The following OR52B6 variants were observed in gnomAD, a reference collection of about 807,000 sequenced individuals.
The protein encoded by OR52B6 is olfactory receptor 52B6.
For synonymous variants in OR52B6, 169 were observed against 160.0 expected (o/e 1.06, Z -0.42); for missense variants, 433 against 416.8 (o/e 1.04, Z -0.34).
Position 5,581,217 on chromosome 11 carries a change from T to C in OR52B6, c.341T>C (p.Phe114Ser). The C allele has an allele frequency of 6.2e-7, 1 of 1,613,904 alleles. No homozygotes were observed. The highest frequency in any genetic ancestry group is 8.5e-7 in the Non-Finnish European group (1 of 1,179,858). Residue 114 changes from phenylalanine to serine, a missense_variant, in exon 1 of 1, where the codon TTT (phenylalanine) becomes TCT (serine). By Grantham distance (155) the Phe-to-Ser change is radical (BLOSUM62 -2). Transcript: ENST00000345043. ...TGGCTAGGTTATAGCCTCATTTCCT[T>C]TGATGGCTGCCTCACTCAGATGTTC... is the stretch of plus-strand genomic sequence containing the variant. ...NLWLGYSLIS[F>S]DGCLTQMFFI...
rs1346480196 is a variant in OR52B6, at chr11:5,581,041, C to T, written c.165C>T (p.Tyr55=). 6.2e-7 allele frequency: 1 copy of T among 1,613,954 alleles called. No individual in the cohort carries two copies. Among genetic ancestry groups the T allele is most frequent in the Non-Finnish European group, 8.5e-7 (1 of 1,179,892 alleles). Residue 55 remains tyrosine, a synonymous_variant, in exon 1 of 1, where the codon TAC becomes TAT. Transcript: ENST00000345043. ...IWLSIPFCIM[Y]ITALEGNGIL... ...TGTCCATCCCCTTCTGCATCATGTA[C>T]ATCACTGCCCTGGAAGGCAATGGCA...
Position 5,581,686 on chromosome 11 carries a change from C to A in OR52B6, c.810C>A (p.Phe270Leu). The stretch of plus-strand genomic sequence containing the variant: ...CCCATATCTGTGTCATCCTACTCTT[C>A]TATGTCCCTGCGCTTTTTTCTGTCT... ...CGSHICVILLFYVPALFSVFA... is the reference protein window; with the variant it reads ...CGSHICVILLLYVPALFSVFA... Residue 270 changes from phenylalanine (F) to leucine (L), a missense_variant, in exon 1 of 1, where the codon TTC (phenylalanine) becomes TTA (leucine). Transcript: ENST00000345043. The A allele has an allele frequency of 1.2e-6, 2 of 1,614,046 alleles. No individual in the cohort carries two copies. Among genetic ancestry groups the A allele is most frequent in the South Asian group, 2.2e-5 (2 of 91,054 alleles).
chr11:5,581,371 T>G lies in OR52B6; in HGVS notation c.495T>G (p.Thr165=). 1.2e-6 allele frequency: 2 copies of G among 1,613,514 alleles called. No individual in the cohort carries two copies. Among genetic ancestry groups the G allele is most frequent in the Non-Finnish European group, 1.7e-6 (2 of 1,179,782 alleles). ...LTSKVIGKIV[T]AALSHSFIIM... ...GCAAGGTCATTGGGAAGATCGTCAC[T>G]GCCGCCCTGAGCCACAGCTTCATCA... Residue 165 remains threonine, a synonymous_variant, in exon 1 of 1, where the codon ACT becomes ACG. Transcript: ENST00000345043.
In OR52B6 at chr11:5,581,084, C is replaced by T. The variant is rs1469971951; in HGVS notation, c.208C>T (p.Leu70Phe). Residue 70 changes from leucine (L) to phenylalanine (F), a missense_variant, in exon 1 of 1, where the codon CTC becomes TTC. Transcript: ENST00000345043. ...EGNGILICVI[L>F]SQAILHEPMY... ...CAATGGCATCCTAATTTGTGTCATCCTCTCCCAGGCAATCCTGCATGAGCC... is the reference window on the plus strand; with the variant it reads ...CAATGGCATCCTAATTTGTGTCATCTTCTCCCAGGCAATCCTGCATGAGCC... 3 of 1,614,162 alleles carry T rather than the reference C, an allele frequency of 1.9e-6. No individual in the cohort carries two copies. The highest frequency in any genetic ancestry group is 2.2e-5 in the South Asian group (2 of 91,082).
Position 5,580,933 on chromosome 11 carries a change from A to C in OR52B6, c.57A>C (p.Ile19=). ...KIMALFSANS[I]GAMNNSDTRI... is the part of the protein sequence containing the mutation. Reference sequence around the variant, plus strand: ...TGGCCCTTTTTTCTGCTAACAGCATAGGTGCTATGAACAACTCTGACACTC... The same window carrying C: ...TGGCCCTTTTTTCTGCTAACAGCATCGGTGCTATGAACAACTCTGACACTC... Residue 19 remains isoleucine (I), a synonymous_variant, in exon 1 of 1, where the codon ATA becomes ATC. Coordinates refer to ENST00000345043, the MANE Select transcript of OR52B6 (RefSeq NM_001005162.2). 1 of 1,609,582 alleles carries C rather than the reference A, an allele frequency of 6.2e-7. No homozygotes were observed. The highest frequency in any genetic ancestry group is 1.7e-4 in the Middle Eastern group (1 of 6,034).
rs200471989 is a variant in OR52B6, at chr11:5,581,637, C to G, written c.761C>G (p.Ser254Cys). 2 of 1,614,184 alleles carry G rather than the reference C, an allele frequency of 1.2e-6. No homozygotes were observed. Among genetic ancestry groups the G allele is most frequent in the Non-Finnish European group, 1.7e-6 (2 of 1,180,044 alleles). Residue 254 changes from serine to cysteine, a missense_variant, in exon 1 of 1, where the codon TCC (serine) becomes TGC (cysteine). By Grantham distance (112) the Ser-to-Cys change is moderately radical. Transcript: ENST00000345043. Reference sequence around the variant, plus strand: ...CGCCTCCTTTCTCAAGATGCCCGCTCCAAGGCCCTGAGTACCTGTGGATCC... The same window carrying G: ...CGCCTCCTTTCTCAAGATGCCCGCTGCAAGGCCCTGAGTACCTGTGGATCC... ...VFRLLSQDAR[S>C]KALSTCGSHI...
chr11:5,581,612 C>T lies in OR52B6; in HGVS notation c.736C>T (p.Arg246Cys), dbSNP rs762756521. 9.9e-6 allele frequency: 16 copies of T among 1,613,998 alleles called. No homozygotes were observed. Among genetic ancestry groups the T allele is most frequent in the Admixed American group, 3.3e-5 (2 of 59,996 alleles). ...SYIHILQAVF[R>C]LLSQDARSKA... ...CATCCACATCCTCCAAGCAGTCTTC[C>T]GCCTCCTTTCTCAAGATGCCCGCTC... The change falls in exon 1 of 1, where the codon CGC (arginine) becomes TGC (cysteine). Residue 246 changes from arginine to cysteine, a missense_variant. Coordinates refer to ENST00000345043, the MANE Select transcript of OR52B6 (RefSeq NM_001005162.2).
In OR52B6 at chr11:5,581,273, G is replaced by A. The variant is rs777106666; in HGVS notation, c.397G>A (p.Val133Ile). ...TCACTTCCTCTTCATTCACTCTGCT[G>A]TCCTGCTGGCCATGGCCTTTGACCG... ...FIHFLFIHSA[V>I]LLAMAFDRYV... Residue 133 changes from valine to isoleucine, a missense_variant, in exon 1 of 1, where the codon GTC becomes ATC. By Grantham distance (29) the Val-to-Ile change is conservative. Transcript: ENST00000345043. The A allele has an allele frequency of 2.5e-6, 4 of 1,614,028 alleles. No homozygotes were observed. The African/African-American group carries it at 5.3e-5, about 22-fold the overall frequency.
Position 5,581,668 on chromosome 11 carries a change from C to A in OR52B6, c.792C>A (p.Ile264=). 1 of 1,614,082 alleles carries A rather than the reference C, an allele frequency of 6.2e-7. No individual in the cohort carries two copies. Among genetic ancestry groups the A allele is most frequent in the Non-Finnish European group, 8.5e-7 (1 of 1,179,964 alleles). The change falls in exon 1 of 1, where the codon ATC becomes ATA. Residue 264 remains isoleucine, a synonymous_variant. Transcript: ENST00000345043. The stretch of plus-strand genomic sequence containing the variant: ...CCCTGAGTACCTGTGGATCCCATAT[C>A]TGTGTCATCCTACTCTTCTATGTCC... ...SKALSTCGSH[I]CVILLFYVPA...
At position 5,581,632 on chromosome 11, in the gene OR52B6, C is replaced by G. The variant is rs1280318560; in HGVS notation, c.756C>G (p.Ala252=). ...QAVFRLLSQD[A]RSKALSTCGS... ...TCTTCCGCCTCCTTTCTCAAGATGC[C>G]CGCTCCAAGGCCCTGAGTACCTGTG... The change falls in exon 1 of 1, where the codon GCC becomes GCG. Residue 252 remains alanine (A), a synonymous_variant. Coordinates refer to ENST00000345043, the MANE Select transcript of OR52B6 (RefSeq NM_001005162.2). 4 of 1,614,038 alleles carry G rather than the reference C, an allele frequency of 2.5e-6. No homozygotes were observed. Among genetic ancestry groups the G allele is most frequent in the Non-Finnish European group, 3.4e-6 (4 of 1,180,048 alleles).
In OR52B6 at chr11:5,581,299, C is replaced by T. The variant is rs760536385; in HGVS notation, c.423C>T (p.Arg141=). ...TCCTGCTGGCCATGGCCTTTGACCG[C>T]TATGTGGCCATCTGCTCCCCCCTGC... is the stretch of plus-strand genomic sequence containing the variant. ...SAVLLAMAFD[R]YVAICSPLRY... Residue 141 remains arginine (R), a synonymous_variant, in exon 1 of 1, where the codon CGC becomes CGT. Coordinates refer to ENST00000345043, the MANE Select transcript of OR52B6 (RefSeq NM_001005162.2). The T allele has an allele frequency of 6.2e-7, 1 of 1,613,858 alleles. No individual in the cohort carries two copies. The highest frequency in any genetic ancestry group is 1.1e-5 in the South Asian group (1 of 90,996).
Position 5,581,676 on chromosome 11 carries a change from T to A in OR52B6, c.800T>A (p.Ile267Asn). 6.2e-7 allele frequency: 1 copy of A among 1,614,080 alleles called. No individual in the cohort carries two copies. The highest frequency in any genetic ancestry group is 8.5e-7 in the Non-Finnish European group (1 of 1,179,952). The change falls in exon 1 of 1, where the codon ATC becomes AAC. Residue 267 changes from isoleucine to asparagine, a missense_variant. By Grantham distance (149) the Ile-to-Asn change is moderately radical. Coordinates refer to ENST00000345043, the MANE Select transcript of OR52B6 (RefSeq NM_001005162.2). ...LSTCGSHICV[I>N]LLFYVPALFS... ...ACCTGTGGATCCCATATCTGTGTCA[T>A]CCTACTCTTCTATGTCCCTGCGCTT...
chr11:5,581,841 G>A lies in OR52B6; in HGVS notation c.965G>A (p.Gly322Glu), dbSNP rs968541985. 3 of 1,596,126 alleles carry A rather than the reference G, an allele frequency of 1.9e-6. No homozygotes were observed. Among genetic ancestry groups the A allele is most frequent in the South Asian group, 2.3e-5 (2 of 87,476 alleles). ...GTGAGGACTAAGCCAATACTGGAAG[G>A]GGCTAAGCAGATGTTTTCAAATCTT... The part of the protein sequence containing the change: ...YGVRTKPILE[G>E]AKQMFSNLAK... Residue 322 changes from glycine to glutamate, a missense_variant, in exon 1 of 1, where the codon GGG becomes GAG. Coordinates refer to ENST00000345043, the MANE Select transcript of OR52B6 (RefSeq NM_001005162.2).
Position 5,581,767 on chromosome 11 carries a change from C to T in OR52B6, c.891C>T (p.Ala297=), listed in dbSNP as rs745685568. Residue 297 remains alanine (A), a synonymous_variant, in exon 1 of 1, where the codon GCC becomes GCT. Transcript: ENST00000345043. ...SVPCYVHILL[A]SLYVVIPPML... ...CATGCTATGTCCATATTCTCCTGGC[C>T]AGCCTCTACGTTGTCATTCCTCCTA... The T allele has an allele frequency of 3.7e-6, 6 of 1,614,008 alleles. No homozygotes were observed. The South Asian group carries it at 6.6e-5, about 18-fold the overall frequency.
chr11:5,581,051 C>T lies in OR52B6; in HGVS notation c.175C>T (p.Leu59=). 6.2e-7 allele frequency: 1 copy of T among 1,613,958 alleles called. No homozygotes were observed. Among genetic ancestry groups the T allele is most frequent in the Non-Finnish European group, 8.5e-7 (1 of 1,179,866 alleles). The part of the protein sequence containing the change: ...IPFCIMYITA[L]EGNGILICVI... Reference sequence around the variant, plus strand: ...CTTCTGCATCATGTACATCACTGCCCTGGAAGGCAATGGCATCCTAATTTG... The same window carrying T: ...CTTCTGCATCATGTACATCACTGCCTTGGAAGGCAATGGCATCCTAATTTG... The change falls in exon 1 of 1, where the codon CTG becomes TTG. Residue 59 remains leucine (L), a synonymous_variant. Transcript: ENST00000345043.
Position 5,581,043 on chromosome 11 carries a change from T to A in OR52B6, c.167T>A (p.Ile56Asn). 1.2e-6 allele frequency: 2 copies of A among 1,613,992 alleles called. No individual in the cohort carries two copies. The highest frequency in any genetic ancestry group is 1.7e-6 in the Non-Finnish European group (2 of 1,179,900). ...TCCATCCCCTTCTGCATCATGTACA[T>A]CACTGCCCTGGAAGGCAATGGCATC... is the stretch of plus-strand genomic sequence containing the variant. ...WLSIPFCIMY[I>N]TALEGNGILI... The change falls in exon 1 of 1, where the codon ATC (isoleucine) becomes AAC (asparagine). Residue 56 changes from isoleucine (I) to asparagine (N), a missense_variant. Physicochemically the swap from Ile to Asn is moderately radical, Grantham distance 149. Transcript: ENST00000345043.
chr11:5,580,938 C>T lies in OR52B6; in HGVS notation c.62C>T (p.Ala21Val), dbSNP rs1175576892. The T allele has an allele frequency of 6.2e-7, 1 of 1,611,210 alleles. No homozygotes were observed. Among genetic ancestry groups the T allele is most frequent in the South Asian group, 1.1e-5 (1 of 90,498 alleles). Residue 21 changes from alanine to valine, a missense_variant, in exon 1 of 1, where the codon GCT becomes GTT. By Grantham distance (64) the Ala-to-Val change is moderately conservative (BLOSUM62 0). Coordinates refer to ENST00000345043, the MANE Select transcript of OR52B6 (RefSeq NM_001005162.2). ...CTTTTTTCTGCTAACAGCATAGGTG[C>T]TATGAACAACTCTGACACTCGCATA... Reference protein sequence around the residue: ...MALFSANSIGAMNNSDTRIAG... With the variant: ...MALFSANSIGVMNNSDTRIAG...
In OR52B6 at chr11:5,580,917, T is replaced by C. The variant is rs758168608; in HGVS notation, c.41T>C (p.Phe14Ser). 1.8e-5 allele frequency: 29 copies of C among 1,594,508 alleles called. No homozygotes were observed. The highest frequency in any genetic ancestry group is 1.3e-4 in the East Asian group (6 of 44,838). ...GCGCTGCATAAAATCATGGCCCTTT[T>C]TTCTGCTAACAGCATAGGTGCTATG... ...VRALHKIMAL[F>S]SANSIGAMNN... Residue 14 changes from phenylalanine to serine, a missense_variant, in exon 1 of 1, where the codon TTT becomes TCT. Physicochemically the swap from Phe to Ser is radical, Grantham distance 155 (BLOSUM62 -2). Coordinates refer to ENST00000345043, the MANE Select transcript of OR52B6 (RefSeq NM_001005162.2).
At position 5,581,518 on chromosome 11, in the gene OR52B6, T is replaced by C. The variant is rs1429891029; in HGVS notation, c.642T>C (p.Asn214=). ...TGTCCTGTTCTGATATCTCCATCAA[T>C]GTCTGGTATGGGTTGGCAGCTGCTC... ...AHLSCSDISI[N]VWYGLAAALL... The change falls in exon 1 of 1, where the codon AAT becomes AAC. Residue 214 remains asparagine (N), a synonymous_variant. Transcript: ENST00000345043. The C allele has an allele frequency of 6.2e-7, 1 of 1,614,010 alleles. No homozygotes were observed. The highest frequency in any genetic ancestry group is 2.2e-5 in the East Asian group (1 of 44,902).
Sources: gnomAD v4.1 joint callset for allele counts on GRCh38, gnomAD v4.1.1 for gene constraint, MANE v1.5 for transcripts, NCBI Gene and HGNC (gene_info 2026-07-23, HGNC 2026-07-21) for gene names.